The following SLCO1B1 variants were observed in gnomAD, a reference collection of about 807,000 sequenced individuals.
SLCO1B1 encodes the protein solute carrier organic anion transporter family member 1B1.
A neutral mutation model predicts 70.1 loss-of-function variants in SLCO1B1; 81 were observed. The observed-to-expected ratio is 1.16, with a 90% CI of 0.97 to 1.39. The LOEUF is 1.39. SLCO1B1 is among the 40% of genes most tolerant of loss of function. The pLI, the probability that SLCO1B1 is intolerant of heterozygous loss-of-function variation, is 0.00. For missense variants in SLCO1B1, 895 were observed against 799.6 expected (o/e 1.12, Z -1.44); for synonymous variants, 283 against 271.5 (o/e 1.04, Z -0.42).
chr12:21,177,583 G>C (rs1054190126), intron 5 of SLCO1B1, among the ~76,000 whole-genome samples: 16 of 152,052 alleles, frequency 1.1e-4, no homozygotes, highest in Admixed American at 6.6e-4. Context: ...ATTGCTGGAA[G>C]TGTATACGTT....
chr12:21,182,334 A>G (rs1043688164), intron 7 of SLCO1B1, among the ~76,000 whole-genome samples: 1 of 152,158 alleles, frequency 6.6e-6, no homozygotes, highest in Non-Finnish European at 1.5e-5. Flanking sequence ...GAGAGTAGGC[A>G]GAAATAGAAC....
At chr12:21,136,905 C>A (rs965841445) in intron 1 of SLCO1B1, among the ~76,000 whole-genome samples, 1 of 152,216 alleles carries the variant, frequency 6.6e-6, no homozygotes, top group African/African-American at 2.4e-5. Flanking sequence ...AGGAGAGGCG[C>A]TCTGATCTTT....
At chr12:21,231,181 C>T (rs940830803) in intron 14 of SLCO1B1, among the ~76,000 whole-genome samples, 2 of 151,930 alleles carry the variant, frequency 1.3e-5, no homozygotes, top group Admixed American at 1.3e-4. Context: ...GCATAGTATT[C>T]CATGGTTTAT....
At chr12:21,158,549 C>T (rs960316158) in intron 2 of SLCO1B1, among the ~76,000 whole-genome samples, 2 of 151,924 alleles carry the variant, frequency 1.3e-5, no homozygotes, top group Admixed American at 6.6e-5. Context: ...CAAAAATTAG[C>T]CAGGTGTGGT....
At chr12:21,236,976 A>G (rs966993530) in intron 14 of SLCO1B1, among the ~76,000 whole-genome samples, 1 of 152,176 alleles carries the variant, frequency 6.6e-6, no homozygotes, top group African/African-American at 2.4e-5. Context: ...TAATCCTTTA[A>G]CAAACTCAGT....
chr12:21,192,757 C>T (rs573908858), intron 7 of SLCO1B1, among the ~76,000 whole-genome samples: 1 of 152,080 alleles, frequency 6.6e-6, no homozygotes, highest in South Asian at 2.1e-4. Flanking sequence ...CAAACAATGC[C>T]AGATGCTACT....
chr12:21,156,437 T>C (rs1267710428), intron 2 of SLCO1B1, among the ~76,000 whole-genome samples: 1 of 152,246 alleles, frequency 6.6e-6, no homozygotes, highest in East Asian at 1.9e-4. Context: ...AGTGAACTTA[T>C]ACAATTTGCC....
chr12:21,169,019 T>C (rs528746540), intron 2 of SLCO1B1, among the ~76,000 whole-genome samples: 18 of 152,166 alleles, frequency 1.2e-4, no homozygotes, highest in Non-Finnish European at 2.2e-4. Context: ...GGTATTTAGT[T>C]CATTTTGAGT....
At chr12:21,170,579 A>G (rs1940745056) in intron 2 of SLCO1B1, among the ~76,000 whole-genome samples, 1 of 152,202 alleles carries the variant, frequency 6.6e-6, no homozygotes, top group Non-Finnish European at 1.5e-5. Context: ...AGAATTGACT[A>G]TCTTTGAAGA....
chr12:21,194,283 C>A (rs1941066630), intron 7 of SLCO1B1, among the ~76,000 whole-genome samples: 1 of 152,130 alleles, frequency 6.6e-6, no homozygotes, highest in Non-Finnish European at 1.5e-5. Context: ...TCCCAAAGTG[C>A]TGGGATGACA....
At position 21,222,427 on chromosome 12, in the gene SLCO1B1, T is replaced by TATAC. The variant is rs1241541102; in HGVS notation, c.1747+64_1747+65insTACA. ...ATATATATATATATATATATATATATACACACACACATACATATATTAAAT... is the reference window on the plus strand; with the variant it reads ...ATATATATATATATATATATATATATATACACACACACACATACATATATTAAAT... On this transcript the variant is annotated intron_variant, in intron 13 of 14. Transcript: ENST00000256958. The TATAC allele has an allele frequency of 2.7e-3, 273 of 100,972 alleles. 1 individual carries two copies. The highest frequency in any genetic ancestry group is 0.014 in the African/African-American group (248 of 17,924). The allele number at this position is 100,972 out of a possible 1,614,324, so 6.3% of individuals were successfully genotyped here.
At chr12:21,151,854 C>T (rs1349164923) in intron 2 of SLCO1B1, among the ~76,000 whole-genome samples, 6 of 151,902 alleles carry the variant, frequency 3.9e-5, no homozygotes, top group Non-Finnish European at 7.4e-5. Context: ...TTTAAAATGA[C>T]ATGACTAGGT....
intron 2 of SLCO1B1, among the ~76,000 whole-genome samples, chr12:21,166,495 C>T (rs1779076126): frequency 6.6e-6 from 1 of 152,084 alleles, no homozygotes; most frequent in Non-Finnish European, 1.5e-5. Context: ...ACAGATGCCT[C>T]ACTGAAGAAG....
rs186601252 is a variant in SLCO1B1 at position 21,215,191 on chromosome 12, C to G, written c.1498-1928C>G. 2.2e-4 allele frequency among the ~76,000 whole-genome samples: 34 copies of G among 152,272 alleles called. No homozygotes were observed. The South Asian group carries it at 5.6e-3, about 25-fold the overall frequency. On this transcript the variant is annotated intron_variant, in intron 11 of 14. Transcript: ENST00000256958. The stretch of plus-strand genomic sequence containing the variant: ...TATTTCTGTCTCTTTCCTGATTGAT[C>G]TGTCTAGGATTTCCAGTACTATGTT...
intron 7 of SLCO1B1, 85 bp downstream of exon 7, chr12:21,179,105 T>C (rs982411193): frequency 1.9e-5 from 16 of 825,748 alleles, no homozygotes; most frequent in Non-Finnish European, 3.2e-5. Context: ...CTGAATTCAC[T>C]CTTTCAATAG....
rs56185629 is a variant in SLCO1B1, at chr12:21,188,422, A to G, written c.728-8524A>G. On this transcript the variant is annotated intron_variant, in intron 7 of 14. Coordinates refer to ENST00000256958, the MANE Select transcript of SLCO1B1 (RefSeq NM_006446.5). ...TTACTTTATATTAAGAATACTATAT[A>G]TAATACATATAACATACAAAACATG... is the stretch of plus-strand genomic sequence containing the variant. 9.9e-3 allele frequency among the ~76,000 whole-genome samples: 1,509 copies of G among 152,296 alleles called. 30 individuals carry two copies. The highest frequency in any genetic ancestry group is 0.035 in the African/African-American group (1,447 of 41,554).
rs1433684393 is a variant in SLCO1B1, at chr12:21,178,649, G to A, written c.555G>A (p.Glu185=). 3 of 1,605,196 alleles carry A rather than the reference G, an allele frequency of 1.9e-6. No homozygotes were observed. The highest frequency in any genetic ancestry group is 4.5e-5 in the East Asian group (2 of 44,760). Reference sequence around the variant, plus strand: ...GTAATATGCTTCGTGGAATAGGGGAGACTCCCATAGTACCATTGGGGCTTT... The same window carrying A: ...GTAATATGCTTCGTGGAATAGGGGAAACTCCCATAGTACCATTGGGGCTTT... The part of the protein sequence containing the change: ...FMGNMLRGIG[E]TPIVPLGLSY... The change falls in exon 6 of 15, where the codon GAG becomes GAA. Residue 185 remains glutamate, a synonymous_variant. Coordinates refer to ENST00000256958, the MANE Select transcript of SLCO1B1 (RefSeq NM_006446.5).
chr12:21,178,481 AAT>A, intron 5 of SLCO1B1, 93 bp from the exon 6 acceptor site: 1 of 904,958 alleles, frequency 1.1e-6, no homozygotes, highest in Non-Finnish European at 1.7e-6. Flanking sequence ...ATTAAAAAAA[AAT>A]AAGTAGAATA....
In SLCO1B1 at chr12:21,157,607, T is replaced by A. The variant is rs372475615; in HGVS notation, c.85-15043T>A. On this transcript the variant is annotated intron_variant, in intron 2 of 14. Transcript: ENST00000256958. ...ATTAATTAAGACTGTAAAATTTTTT[T>A]TTTTTTTTTTTTGAGACAGGGTCTC... Among the ~76,000 whole-genome samples the A allele has an allele frequency of 6.8e-3, 1,024 of 150,778 alleles. 4 individuals carry two copies. Among genetic ancestry groups the A allele is most frequent in the Middle Eastern group, 0.021 (6 of 292 alleles).
Sources: allele counts gnomAD v4.1 joint callset (sites outside exome capture counted in the v4.1 genomes callset), GRCh38; gene constraint gnomAD v4.1.1; transcripts MANE v1.5; gene names NCBI Gene and HGNC (gene_info 2026-07-23, HGNC 2026-07-21).